Variants in CFTR observed in about 807,000 individuals in gnomAD.
The protein encoded by CFTR is CF transmembrane conductance regulator.
Under a neutral mutation model 171.6 loss-of-function variants are expected in CFTR, and 181 were observed. The ratio of observed to expected loss-of-function variants is 1.05; its 90% CI spans 0.93 to 1.19. The LOEUF (loss-of-function observed/expected upper bound fraction) is 1.19, where lower values mean the gene tolerates loss of function less well. Ranked by LOEUF, CFTR falls within the 50% of genes most tolerant of loss-of-function variation. The pLI is 0.00. For synonymous variants in CFTR, 583 were observed against 608.0 expected (o/e 0.96, Z 0.60); for missense variants, 1,968 against 1,734.7 (o/e 1.13, Z -2.39).
chr7:117,508,976 G>A, intron 2 of CFTR, 58 bp from the exon 3 acceptor site: 2 of 1,042,782 alleles, frequency 1.9e-6, no homozygotes, highest in South Asian at 2.5e-5. Context: ...AAGGGAAATA[G>A]GACAACTAAA....
intron 11 of CFTR, among the ~76,000 whole-genome samples, chr7:117,572,202 A>G (rs1220253725): frequency 6.6e-6 from 1 of 152,086 alleles, no homozygotes; most frequent in Non-Finnish European, 1.5e-5. Flanking sequence ...GGGTTTTGCC[A>G]TGTTGGCCAA....
chr7:117,556,732 G>A (rs1799366765), intron 10 of CFTR, among the ~76,000 whole-genome samples: 1 of 149,622 alleles, frequency 6.7e-6, no homozygotes, highest in Non-Finnish European at 1.5e-5. Context: ...TTTTAGCCGG[G>A]ATGGTCTCGA....
At chr7:117,601,992 T>A (rs543344966) in intron 15 of CFTR, among the ~76,000 whole-genome samples, 1 of 152,326 alleles carries the variant, frequency 6.6e-6, no homozygotes, top group Non-Finnish European at 1.5e-5. Context: ...TTAACCTGAA[T>A]GTACCTTATC....
chr7:117,640,656 A>G (rs1215558523), intron 22 of CFTR, among the ~76,000 whole-genome samples: 1 of 152,146 alleles, frequency 6.6e-6, no homozygotes, highest in Admixed American at 6.6e-5. Flanking sequence ...ACAACACTTT[A>G]CTATTGTGTT....
At chr7:117,594,657 CAAT>C (rs1303708447) in intron 14 of CFTR, among the ~76,000 whole-genome samples, 2 of 151,854 alleles carry the variant, frequency 1.3e-5, no homozygotes, top group African/African-American at 2.4e-5. Flanking sequence ...TAAAATTGTC[CAAT>C]AATAATACAG....
In CFTR at chr7:117,535,297, T is replaced by C; in HGVS notation, c.629T>C (p.Leu210Pro). ...TGGATCGCTCCTTTGCAAGTGGCAC[T>C]CCTCATGGGGCTAATCTGGGAGTTG... ...FVWIAPLQVALLMGLIWELLQ... is the reference protein window; with the variant it reads ...FVWIAPLQVAPLMGLIWELLQ... Residue 210 changes from leucine to proline, a missense_variant, in exon 6 of 27, where the codon CTC becomes CCC. Leu to Pro is a moderately conservative substitution (Grantham distance 98). Transcript: ENST00000003084. 6.2e-7 allele frequency: 1 copy of C among 1,614,140 alleles called. No homozygotes were observed. Among genetic ancestry groups the C allele is most frequent in the Non-Finnish European group, 8.5e-7 (1 of 1,179,996 alleles).
chr7:117,578,109 A>G (rs1308120246), intron 11 of CFTR, among the ~76,000 whole-genome samples: 1 of 152,078 alleles, frequency 6.6e-6, no homozygotes, highest in African/African-American at 2.4e-5. Context: ...ATTCAATTGT[A>G]TATGTGTATA....
At chr7:117,574,537 T>A (rs1300813604) in intron 11 of CFTR, among the ~76,000 whole-genome samples, 1 of 152,094 alleles carries the variant, frequency 6.6e-6, no homozygotes, top group Non-Finnish European at 1.5e-5. Flanking sequence ...AATCTTTTAT[T>A]TTCACACTTT....
chr7:117,561,559 G>T (rs1433356019), intron 11 of CFTR, among the ~76,000 whole-genome samples: 3 of 152,022 alleles, frequency 2.0e-5, no homozygotes, highest in Non-Finnish European at 4.4e-5. Context: ...TCACATAAAT[G>T]AAATAATATA....
At chr7:117,534,412 A>G (rs1244884843) in intron 5 of CFTR, 47 bp downstream of exon 5, 4 of 1,046,684 alleles carry the variant, frequency 3.8e-6, no homozygotes, top group Admixed American at 1.7e-5. Context: ...GTTATAAATT[A>G]TACAACTGGA....
intron 2 of CFTR, among the ~76,000 whole-genome samples, chr7:117,506,577 G>A (rs1228488987): frequency 6.6e-6 from 1 of 152,100 alleles, no homozygotes; most frequent in Non-Finnish European, 1.5e-5. Context: ...GGATGCTGAG[G>A]GAATGATTAA....
intron 16 of CFTR, among the ~76,000 whole-genome samples, chr7:117,603,194 A>G (rs1004465895): frequency 6.6e-6 from 1 of 152,214 alleles, no homozygotes; most frequent in African/African-American, 2.4e-5. Context: ...ATAAAATAAA[A>G]TGAATAAATT....
intron 25 of CFTR, among the ~76,000 whole-genome samples, chr7:117,665,185 C>T (rs1793353233): frequency 6.6e-6 from 1 of 152,008 alleles, no homozygotes; most frequent in Admixed American, 6.6e-5. Context: ...GTTTATAGCC[C>T]CAAATAAAGA....
At position 117,531,027 on chromosome 7, in the gene CFTR, G is replaced by A; in HGVS notation, c.402G>A (p.Arg134=). The part of the protein sequence containing the change: ...GIGLCLLFIV[R]TLLLHPAIFG... ...GCTTATGCCTTCTCTTTATTGTGAG[G>A]ACACTGCTCCTACACCCAGCCATTT... The change falls in exon 4 of 27, where the codon AGG becomes AGA. Residue 134 remains arginine (R), a synonymous_variant. Transcript: ENST00000003084. 3.7e-6 allele frequency: 6 copies of A among 1,613,738 alleles called. No homozygotes were observed. Among genetic ancestry groups the A allele is most frequent in the African/African-American group, 1.3e-5 (1 of 75,010 alleles).
chr7:117,642,527 C>T lies in CFTR; in HGVS notation c.3807C>T (p.Ile1269=), dbSNP rs1800129. ...TGAACACTGAAGGAGAAATCCAGAT[C>T]GATGGTGTGTCTTGGGATTCAATAA... ...RLLNTEGEIQ[I]DGVSWDSITL... The change falls in exon 23 of 27, where the codon ATC becomes ATT. Residue 1269 remains isoleucine, a synonymous_variant. Transcript: ENST00000003084. 8.7e-6 allele frequency: 14 copies of T among 1,613,348 alleles called. No individual in the cohort carries two copies. Among genetic ancestry groups the T allele is most frequent in the South Asian group, 6.6e-5 (6 of 91,070 alleles).
At chr7:117,581,704 A>T (rs1791852204) in intron 11 of CFTR, among the ~76,000 whole-genome samples, 1 of 152,160 alleles carries the variant, frequency 6.6e-6, no homozygotes, top group African/African-American at 2.4e-5. Flanking sequence ...CTCTTTGACT[A>T]ATGTTACTAC....
intron 21 of CFTR, among the ~76,000 whole-genome samples, chr7:117,626,796 T>C (rs1477231706): frequency 2.0e-5 from 3 of 151,986 alleles, no homozygotes; most frequent in Admixed American, 6.6e-5. Context: ...TTAAAAAAAA[T>C]TGAACACCTT....
At chr7:117,643,169 T>C (rs934219507) in intron 23 of CFTR, among the ~76,000 whole-genome samples, 1 of 152,168 alleles carries the variant, frequency 6.6e-6, no homozygotes, top group African/African-American at 2.4e-5. Context: ...AGAGCACTTC[T>C]TGTATATGAG....
intron 9 of CFTR, among the ~76,000 whole-genome samples, chr7:117,548,333 G>GGTGT (rs3034794): frequency 0.014 from 2,079 of 144,150 alleles, 22 homozygotes; most frequent in Non-Finnish European, 0.02. Context: ...AGGAGAAGAG[G>GGTGT]GTGTGTGTGT....
Sources: allele counts gnomAD v4.1 joint callset (sites outside exome capture counted in the v4.1 genomes callset), GRCh38; gene constraint gnomAD v4.1.1; transcripts MANE v1.5; gene names NCBI Gene and HGNC (gene_info 2026-07-23, HGNC 2026-07-21).